USP38: variants seen among roughly 807,000 people sequenced by gnomAD.
The protein encoded by USP38 is ubiquitin carboxyl-terminal hydrolase 38.
Under a neutral mutation model 94.3 loss-of-function variants are expected in USP38, and 49 were observed. The ratio of observed to expected loss-of-function variants is 0.52; its 90% CI spans 0.41 to 0.66. The LOEUF (loss-of-function observed/expected upper bound fraction) is 0.66, where lower values mean the gene tolerates loss of function less well. Among genes scored for constraint, USP38 ranks in the 30% least tolerant of loss-of-function variants. USP38 has a pLI of 0.00. For missense variants in USP38, 1,128 were observed against 1,229.4 expected (o/e 0.92, Z 1.23); for synonymous variants, 468 against 463.6 (o/e 1.01, Z -0.12).
intron 5 of USP38, 78 bp downstream of exon 5, chr4:143,203,644 A>T: frequency 7.0e-7 from 1 of 1,436,346 alleles, no homozygotes; most frequent in Non-Finnish European, 9.4e-7. Flanking sequence ...CCAGCTACTC[A>T]ATTTACTATT....
intron 6 of USP38, among the ~76,000 whole-genome samples, chr4:143,206,896 G>A (rs941590771): frequency 6.6e-6 from 1 of 152,094 alleles, no homozygotes; most frequent in African/African-American, 2.4e-5. Context: ...GTATTTGTCA[G>A]ATCAACAACT....
chr4:143,203,068 T>G (rs557970999), intron 4 of USP38, among the ~76,000 whole-genome samples: 1 of 152,260 alleles, frequency 6.6e-6, no homozygotes, highest in Admixed American at 6.5e-5. Flanking sequence ...TCCCATTGAA[T>G]GACCTGGTAA....
At chr4:143,196,265 C>CA (rs902979013) in intron 3 of USP38, among the ~76,000 whole-genome samples, 74 of 152,260 alleles carry the variant, frequency 4.9e-4, no homozygotes, top group African/African-American at 1.7e-3. Context: ...AAGATAGCAC[C>CA]ACTGCACTCC....
At chr4:143,188,048 A>G in intron 2 of USP38, 87 bp downstream of exon 2, 4 of 1,427,876 alleles carry the variant, frequency 2.8e-6, no homozygotes, top group South Asian at 1.5e-5. Context: ...AAAACTTACG[A>G]ATGTTTAAAA....
At position 143,185,473 on chromosome 4, in the gene USP38, T is replaced by C. The variant is rs1731188165; in HGVS notation, c.23T>C (p.Leu8Pro). The C allele has an allele frequency of 6.3e-7, 1 of 1,598,706 alleles. No individual in the cohort carries two copies. The highest frequency in any genetic ancestry group is 8.5e-7 in the Non-Finnish European group (1 of 1,171,662). MDKILEG[L>P]VSSSHPLPLK... Reference sequence around the variant, plus strand: ...ACAATGGACAAGATCCTGGAGGGCCTTGTGAGTTCCTCGCATCCCCTGCCC... The same window carrying C: ...ACAATGGACAAGATCCTGGAGGGCCCTGTGAGTTCCTCGCATCCCCTGCCC... The change falls in exon 1 of 10, where the codon CTT (leucine) becomes CCT (proline). Residue 8 changes from leucine to proline, a missense_variant. Leu to Pro is a moderately conservative substitution (Grantham distance 98, BLOSUM62 -3). Coordinates refer to ENST00000307017, the MANE Select transcript of USP38 (RefSeq NM_032557.6).
intron 9 of USP38, 104 bp downstream of exon 9, chr4:143,215,047 T>A: frequency 8.9e-7 from 1 of 1,123,726 alleles, no homozygotes; most frequent in Non-Finnish European, 1.2e-6. Context: ...TATTAAATTC[T>A]GAAATATAGG....
rs1021547471 is a variant in USP38, at chr4:143,195,580, T to C, written c.819-136T>C. 6 of 813,344 alleles carry C rather than the reference T, an allele frequency of 7.4e-6. No homozygotes were observed. In the African/African-American group the frequency reaches 1.0e-4, roughly 14 times the overall value. The allele number at this position is 813,344 out of a possible 1,614,324, so 50.4% of individuals were successfully genotyped here. A position where few individuals can be genotyped will look rare whatever the true frequency, so the allele number is the denominator to read the frequency against. The stretch of plus-strand genomic sequence containing the variant: ...CACCTGTTACATTCACTTCTACATC[T>C]TGGTCAGTGCTTTTCACCAGCAAAT... On this transcript the variant is annotated intron_variant, in intron 2 of 9. Transcript: ENST00000307017.
chr4:143,215,018 G>A, intron 9 of USP38, 75 bp downstream of exon 9: 1 of 1,368,282 alleles, frequency 7.3e-7, no homozygotes. Flanking sequence ...CCCTCATTTT[G>A]AAATCTAACA....
At chr4:143,209,283 A>G (rs997595384) in intron 6 of USP38, among the ~76,000 whole-genome samples, 1 of 152,206 alleles carries the variant, frequency 6.6e-6, no homozygotes, top group Non-Finnish European at 1.5e-5. Context: ...ACCATTAGGT[A>G]AATGAAGTTT....
At chr4:143,196,676 G>C (rs1246923272) in intron 3 of USP38, among the ~76,000 whole-genome samples, 3 of 152,054 alleles carry the variant, frequency 2.0e-5, no homozygotes, top group African/African-American at 7.2e-5. Flanking sequence ...GTGTTCCATG[G>C]CTTTAAACAA....
In USP38 at chr4:143,214,127, A is replaced by T. The variant is rs750134844; in HGVS notation, c.2151A>T (p.Ser717=). ...PQKPGGETTP[S]VTDLLNYFLA... is the part of the protein sequence containing the mutation. ...AACCAGGAGGTGAAACCACACCTTC[A>T]GTAACTGACTTACTAAATTATTTTT... The change falls in exon 9 of 10, where the codon TCA becomes TCT. Residue 717 remains serine, a synonymous_variant. Coordinates refer to ENST00000307017, the MANE Select transcript of USP38 (RefSeq NM_032557.6). 11 of 1,612,912 alleles carry T rather than the reference A, an allele frequency of 6.8e-6. No individual in the cohort carries two copies. The South Asian group carries it at 1.2e-4, about 18-fold the overall frequency.
chr4:143,217,957 T>A (rs760641354), intron 9 of USP38, among the ~76,000 whole-genome samples: 1 of 152,104 alleles, frequency 6.6e-6, no homozygotes, highest in Non-Finnish European at 1.5e-5. Flanking sequence ...ATTAGGAGTA[T>A]CTCCATTGTT....
chr4:143,204,395 A>AT, intron 5 of USP38: 2 of 416,544 alleles, frequency 4.8e-6, no homozygotes, highest in South Asian at 1.8e-5. Context: ...TCTAAAAAGC[A>AT]CTTTTTTTTT....
At chr4:143,202,541 T>C (rs1731746058) in intron 4 of USP38, among the ~76,000 whole-genome samples, 1 of 152,072 alleles carries the variant, frequency 6.6e-6, no homozygotes, top group Non-Finnish European at 1.5e-5. Flanking sequence ...TAAAAATTAA[T>C]TGAAAAAAAT....
In USP38 at chr4:143,214,065, T is replaced by G. The variant is rs1464225148; in HGVS notation, c.2089T>G (p.Ser697Ala). 1.2e-6 allele frequency: 2 copies of G among 1,613,584 alleles called. No homozygotes were observed. Among genetic ancestry groups the G allele is most frequent in the African/African-American group, 2.7e-5 (2 of 75,012 alleles). The change falls in exon 9 of 10, where the codon TCT (serine) becomes GCT (alanine). Residue 697 changes from serine to alanine, a missense_variant. By Grantham distance (99) the Ser-to-Ala change is moderately conservative. Coordinates refer to ENST00000307017, the MANE Select transcript of USP38 (RefSeq NM_032557.6). ...CSENTSVPNE[S>A]NKILVNKDVP... Reference sequence around the variant, plus strand: ...TGAAAACACTTCTGTCCCTAACGAATCTAACAAGATTCTTGTTAATAAAGA... The same window carrying G: ...TGAAAACACTTCTGTCCCTAACGAAGCTAACAAGATTCTTGTTAATAAAGA...
chr4:143,200,355 A>G (rs534867967), intron 4 of USP38, among the ~76,000 whole-genome samples: 98 of 152,310 alleles, frequency 6.4e-4, no homozygotes, highest in Non-Finnish European at 1.3e-3. Flanking sequence ...AATACTCTCA[A>G]TAAACTAGGT....
At chr4:143,208,018 T>C (rs1431686628) in intron 6 of USP38, among the ~76,000 whole-genome samples, 2 of 152,176 alleles carry the variant, frequency 1.3e-5, no homozygotes, top group Non-Finnish European at 2.9e-5. Flanking sequence ...GTTCCAGACC[T>C]TTTTTGGTAC....
chr4:143,220,993 T>C lies in USP38; in HGVS notation c.*537T>C, dbSNP rs549361392. ...ATAGTACTTTTCAGTTTTTGTTTAG[T>C]GTCTTCAGCATCACTGTGTCTGTAT... On this transcript the variant is annotated 3_prime_UTR_variant, in exon 10 of 10. Transcript: ENST00000307017. The C allele has an allele frequency of 6.6e-6, 1 of 152,630 alleles. No homozygotes were observed. Among genetic ancestry groups the C allele is most frequent in the African/African-American group, 2.4e-5 (1 of 41,592 alleles). The allele number at this position is 152,630 out of a possible 1,614,324, so 9.5% of individuals were successfully genotyped here.
intron 9 of USP38, among the ~76,000 whole-genome samples, chr4:143,219,226 C>A: frequency 6.6e-6 from 1 of 152,130 alleles, no homozygotes; most frequent in Middle Eastern, 3.4e-3. Flanking sequence ...GATTCTTGAT[C>A]ATCTTGTGTA....
Sources: allele counts gnomAD v4.1 joint callset (sites outside exome capture counted in the v4.1 genomes callset), GRCh38; gene constraint gnomAD v4.1.1; transcripts MANE v1.5; gene names NCBI Gene and HGNC (gene_info 2026-07-23, HGNC 2026-07-21).